Variants in ATP2B1 observed in about 807,000 individuals in gnomAD.
The protein encoded by ATP2B1 is plasma membrane calcium-transporting ATPase 1.
In ATP2B1, 14 loss-of-function variants were observed where a neutral mutation model predicts 124.2. That is an observed-to-expected ratio of 0.11 (90% CI 0.07 to 0.18). ATP2B1 has a LOEUF of 0.18. Among genes scored for constraint, ATP2B1 ranks in the 10% least tolerant of loss-of-function variants. ATP2B1 has a pLI of 1.00. For synonymous variants in ATP2B1, 449 were observed against 492.4 expected, an observed-to-expected ratio of 0.91 and a Z score of 1.17; for missense variants, 763 against 1,466.1, an observed-to-expected ratio of 0.52 and a Z score of 7.83.
Position 89,620,208 on chromosome 12 carries a change from G to A in ATP2B1, c.1620C>T (p.His540=), listed in dbSNP as rs779514953. The stretch of plus-strand genomic sequence containing the variant: ...AGGCACATTCAGTTTTATTACCAAC[G>A]TGACGAGGTAATCCACCCTCTTTCT... ...PPEKEGGLPR[H]VGNKTECALL... The change falls in exon 11 of 21, where the codon CAC becomes CAT. Residue 540 remains histidine, a synonymous_variant. Transcript: ENST00000428670. The A allele has an allele frequency of 6.2e-6, 10 of 1,613,760 alleles. No individual in the cohort carries two copies. The South Asian group carries it at 9.9e-5, about 16-fold the overall frequency.
chr12:89,622,200 T>C (rs943678931), intron 9 of ATP2B1, among the ~76,000 whole-genome samples: 1 of 152,036 alleles, frequency 6.6e-6, no homozygotes, highest in African/African-American at 2.4e-5. Flanking sequence ...GGATTAAGCC[T>C]CCTTATTAAG....
chr12:89,706,505 A>T (rs1039203415), intron 1 of ATP2B1, among the ~76,000 whole-genome samples: 1 of 152,154 alleles, frequency 6.6e-6, no homozygotes, highest in Non-Finnish European at 1.5e-5. Flanking sequence ...GAATATCCAG[A>T]CCATCAATAT....
chr12:89,661,391 G>A (rs1158947644), intron 1 of ATP2B1, among the ~76,000 whole-genome samples: 2 of 152,100 alleles, frequency 1.3e-5, no homozygotes, highest in Non-Finnish European at 2.9e-5. Context: ...AACAGCTAAA[G>A]GGATGTTGGA....
intron 1 of ATP2B1, among the ~76,000 whole-genome samples, chr12:89,676,528 G>A (rs1888628155): frequency 6.6e-6 from 1 of 151,922 alleles, no homozygotes. Flanking sequence ...CTGGTAGCTG[G>A]GATTCCCAAG....
chr12:89,623,353 T>A lies in ATP2B1; in HGVS notation c.1344+830A>T, dbSNP rs898498691. Among the ~76,000 whole-genome samples, 4 of 150,480 alleles carry A rather than the reference T, an allele frequency of 2.7e-5. No individual in the cohort carries two copies. The South Asian group carries it at 6.2e-4, about 23-fold the overall frequency. On this transcript the variant is annotated intron_variant, in intron 9 of 20. Transcript: ENST00000428670. Reference sequence around the variant, plus strand: ...AAAGTTCAAAATTGTCCAAGCTACATCTTTTTTTTTTTTATTTCCAATCCA... The same window carrying A: ...AAAGTTCAAAATTGTCCAAGCTACAACTTTTTTTTTTTTATTTCCAATCCA...
rs181715279 is a variant in ATP2B1, at chr12:89,591,299, T to A, written c.3352-4A>T. The A allele has an allele frequency of 5.0e-6, 8 of 1,599,956 alleles. No homozygotes were observed. Among genetic ancestry groups the A allele is most frequent in the Non-Finnish European group, 6.8e-6 (8 of 1,172,508 alleles). ...GAAATGCATTCACCACTCGAATCTGTAAATATCAGAAAATACAGAAATATG... is the reference window on the plus strand; with the variant it reads ...GAAATGCATTCACCACTCGAATCTGAAAATATCAGAAAATACAGAAATATG... On this transcript the variant is annotated splice_region_variant and splice_polypyrimidine_tract_variant and intron_variant, in intron 20 of 20. Transcript: ENST00000428670.
chr12:89,655,294 C>T (rs1565878416), intron 2 of ATP2B1, among the ~76,000 whole-genome samples: 2 of 152,170 alleles, frequency 1.3e-5, no homozygotes, highest in African/African-American at 4.8e-5. Flanking sequence ...AGAGTGACAA[C>T]TATTTTAAGC....
intron 1 of ATP2B1, among the ~76,000 whole-genome samples, chr12:89,698,174 A>T (rs993526610): frequency 4.6e-5 from 7 of 152,166 alleles, no homozygotes; most frequent in African/African-American, 1.7e-4. Context: ...ATGCTTCCTA[A>T]AGTACTTTTA....
At chr12:89,672,238 T>A (rs1041845916) in intron 1 of ATP2B1, among the ~76,000 whole-genome samples, 5 of 152,182 alleles carry the variant, frequency 3.3e-5, no homozygotes, top group African/African-American at 1.2e-4. Context: ...GCAGATCACC[T>A]GAGGCCAGGA....
intron 12 of ATP2B1, among the ~76,000 whole-genome samples, chr12:89,615,842 T>A (rs1878859781): frequency 6.6e-6 from 1 of 152,212 alleles, no homozygotes; most frequent in Non-Finnish European, 1.5e-5. Flanking sequence ...TCTCGATTTT[T>A]TAAAAATGTA....
chr12:89,678,041 T>A (rs1482288276), intron 1 of ATP2B1, among the ~76,000 whole-genome samples: 4 of 130,994 alleles, frequency 3.1e-5, no homozygotes, highest in Non-Finnish European at 4.9e-5. Flanking sequence ...AGAAATCATT[T>A]AAAAAAAAAA....
intron 1 of ATP2B1, among the ~76,000 whole-genome samples, chr12:89,678,370 T>C (rs780876418): frequency 7.2e-5 from 11 of 152,146 alleles, no homozygotes; most frequent in Non-Finnish European, 1.2e-4. Flanking sequence ...GTGAGTGACA[T>C]TCAGAGGTGC....
rs763004558 is a variant in ATP2B1, at chr12:89,642,251, C to T, written c.313G>A (p.Ala105Thr). The change falls in exon 3 of 21, where the codon GCA becomes ACA. Residue 105 changes from alanine (A) to threonine (T), a missense_variant. Transcript: ENST00000428670. ...PKTFLQLVWE[A>T]LQDVTLIILE... ...ATAATTAAAGTGACATCTTGTAATG[C>T]TTCCCATACTAATTGAAGAAAGGTT... 6.2e-7 allele frequency: 1 copy of T among 1,613,470 alleles called. No individual in the cohort carries two copies. The highest frequency in any genetic ancestry group is 8.5e-7 in the Non-Finnish European group (1 of 1,179,544).
intron 2 of ATP2B1, among the ~76,000 whole-genome samples, chr12:89,643,475 GAAGT>G (rs1883970180): frequency 6.6e-6 from 1 of 152,102 alleles, no homozygotes; most frequent in South Asian, 2.1e-4. Context: ...ATCTTTCTTA[GAAGT>G]AATAGGTGGT....
chr12:89,610,111 C>A, intron 14 of ATP2B1, 68 bp from the exon 15 acceptor site: 1 of 1,394,442 alleles, frequency 7.2e-7, no homozygotes, highest in Non-Finnish European at 1.0e-6. Context: ...TGAAGAATAT[C>A]CTGACGTCGG....
At chr12:89,606,091 T>C (rs1226038524) in intron 15 of ATP2B1, among the ~76,000 whole-genome samples, 1 of 19,244 alleles carries the variant, frequency 5.2e-5, no homozygotes, top group African/African-American at 1.3e-4. Context: ...TGAAACAGCA[T>C]TTACAGTCAC....
intron 2 of ATP2B1, among the ~76,000 whole-genome samples, chr12:89,648,319 G>A (rs1046613318): frequency 6.6e-6 from 1 of 152,186 alleles, no homozygotes; most frequent in African/African-American, 2.4e-5. Context: ...AAGCTGACAA[G>A]TTCTCAGATG....
chr12:89,643,440 T>C (rs983778946), intron 2 of ATP2B1, among the ~76,000 whole-genome samples: 6 of 152,114 alleles, frequency 3.9e-5, no homozygotes, highest in Middle Eastern at 3.2e-3. Flanking sequence ...TATACTTCGA[T>C]TGATATAACA....
intron 1 of ATP2B1, among the ~76,000 whole-genome samples, chr12:89,663,825 G>C (rs1886984527): frequency 6.6e-6 from 1 of 152,018 alleles, no homozygotes; most frequent in African/African-American, 2.4e-5. Context: ...TCATTTCTCT[G>C]ATGTCTGACT....
Sources: gnomAD v4.1 joint callset for allele counts (sites outside exome capture counted in the v4.1 genomes callset) on GRCh38, gnomAD v4.1.1 for gene constraint, MANE v1.5 for transcripts, NCBI Gene and HGNC (gene_info 2026-07-23, HGNC 2026-07-21) for gene names.